The following ABCA4 variants were observed in gnomAD, a reference collection of about 807,000 sequenced individuals.
ABCA4 encodes ATP binding cassette subfamily A member 4.
In ABCA4, 196 loss-of-function variants were observed where a neutral mutation model predicts 263.7. The observed-to-expected ratio is 0.74, with a 90% confidence interval of 0.66 to 0.84. ABCA4 has a LOEUF of 0.84. ABCA4 is among the 40% of genes least tolerant of loss of function. The pLI, the probability that ABCA4 is intolerant of heterozygous loss-of-function variation, is 0.00. For synonymous variants in ABCA4, 1,133 were observed against 1,094.2 expected, an observed-to-expected ratio of 1.04 and a Z score of -0.70; for missense variants, 2,792 against 2,855.1, an observed-to-expected ratio of 0.98 and a Z score of 0.50.
intron 4 of ABCA4, among the ~76,000 whole-genome samples, chr1:94,104,173 C>A (rs1299739612): frequency 6.6e-6 from 1 of 152,216 alleles, no homozygotes; most frequent in Non-Finnish European, 1.5e-5. Context: ...CAATGCTTGG[C>A]CTCAACCCTG....
intron 40 of ABCA4, among the ~76,000 whole-genome samples, chr1:94,010,246 G>T (rs1486033246): frequency 1.3e-5 from 2 of 152,220 alleles, no homozygotes; most frequent in Non-Finnish European, 2.9e-5. Context: ...TTCAGGAAGA[G>T]CCTGCGGAAG....
At chr1:94,107,166 C>T (rs145151006) in intron 4 of ABCA4, among the ~76,000 whole-genome samples, 211 of 152,236 alleles carry the variant, frequency 1.4e-3, no homozygotes, top group African/African-American at 5.0e-3. Flanking sequence ...CCTTGGTGAC[C>T]CCTTTCTCAT....
intron 26 of ABCA4, 70 bp downstream of exon 26, chr1:94,036,670 C>T: frequency 1.3e-6 from 2 of 1,541,490 alleles, no homozygotes; most frequent in Admixed American, 1.7e-5. Flanking sequence ...TGCCCAGCCC[C>T]TTAGACTTTC....
chr1:94,042,992 C>T, intron 21 of ABCA4, 94 bp from the exon 22 acceptor site: 1 of 1,545,408 alleles, frequency 6.5e-7, no homozygotes, highest in Non-Finnish European at 8.9e-7. Context: ...GTACCTTAAC[C>T]CAGCAGTGGT....
intron 7 of ABCA4, 59 bp downstream of exon 7, chr1:94,083,293 G>A (rs1661748110): frequency 2.3e-6 from 3 of 1,319,100 alleles, no homozygotes; most frequent in African/African-American, 1.5e-5. Context: ...TTTGACATAA[G>A]TGGGGTAAAT....
intron 26 of ABCA4, among the ~76,000 whole-genome samples, chr1:94,035,186 A>C (rs1660307271): frequency 6.6e-6 from 1 of 152,258 alleles, no homozygotes; most frequent in South Asian, 2.1e-4. Flanking sequence ...TTTATCAAGA[A>C]GGAATATTCT....
intron 13 of ABCA4, among the ~76,000 whole-genome samples, chr1:94,061,715 T>C (rs1372247232): frequency 2.0e-5 from 3 of 152,258 alleles, no homozygotes; most frequent in Non-Finnish European, 4.4e-5. Context: ...ACCTGGGCTT[T>C]CGCCCCTGGC....
chr1:94,063,364 A>G (rs1661182892), intron 11 of ABCA4, 47 bp from the exon 12 acceptor site: 1 of 1,563,808 alleles, frequency 6.4e-7, no homozygotes. Context: ...GACCAACTGC[A>G]AAGACTCAAC....
intron 44 of ABCA4, among the ~76,000 whole-genome samples, chr1:94,003,665 G>T (rs181271442): frequency 6.6e-6 from 1 of 152,078 alleles, no homozygotes; most frequent in African/African-American, 2.4e-5. Flanking sequence ...ACAGAGTCTT[G>T]CTCTGTTTCC....
Position 94,030,527 on chromosome 1 carries a change from C to G in ABCA4, c.4254-1G>C, listed in dbSNP as rs886044740. 6.2e-7 allele frequency: 1 copy of G among 1,614,066 alleles called. No individual in the cohort carries two copies. The highest frequency in any genetic ancestry group is 8.5e-7 in the Non-Finnish European group (1 of 1,179,904). On this transcript the variant is annotated splice_acceptor_variant, in intron 28 of 49. Coordinates refer to ENST00000370225, the MANE Select transcript of ABCA4 (RefSeq NM_000350.3). LOFTEE classifies it high-confidence loss of function. ...CTGCTCACTGCCTGGTTCATCCATGCTAGACAGAGTGAGACATGTGACTGG... is the reference window on the plus strand; with the variant it reads ...CTGCTCACTGCCTGGTTCATCCATGGTAGACAGAGTGAGACATGTGACTGG...
At chr1:94,046,167 G>A (rs1473763922) in intron 19 of ABCA4, among the ~76,000 whole-genome samples, 1 of 151,704 alleles carries the variant, frequency 6.6e-6, no homozygotes, top group Non-Finnish European at 1.5e-5. Context: ...ACTCGGCCTG[G>A]TGCGGTCGCT....
At position 93,994,751 on chromosome 1, in the gene ABCA4, A is replaced by T. The variant is rs192052127; in HGVS notation, c.6816+1358T>A. Among the ~76,000 whole-genome samples, 10 of 152,334 alleles carry T rather than the reference A, an allele frequency of 6.6e-5. No individual in the cohort carries two copies. The East Asian group carries it at 1.9e-3, about 29-fold the overall frequency. On this transcript the variant is annotated intron_variant, in intron 49 of 49. Transcript: ENST00000370225. Reference sequence around the variant, plus strand: ...TAATCTTTGTGAACAAAAATGTAAAAAACACAATAGAAAAATGATCTCATC... The same window carrying T: ...TAATCTTTGTGAACAAAAATGTAAATAACACAATAGAAAAATGATCTCATC...
intron 44 of ABCA4, 78 bp from the exon 45 acceptor site, chr1:94,002,070 C>T (rs1253504714): frequency 1.9e-6 from 3 of 1,604,488 alleles, no homozygotes; most frequent in Non-Finnish European, 2.6e-6. Flanking sequence ...GCCTTGGGCT[C>T]CCAGATCTCA....
chr1:94,013,763 GA>G (rs1301810045), intron 38 of ABCA4, among the ~76,000 whole-genome samples: 1 of 152,200 alleles, frequency 6.6e-6, no homozygotes, highest in Non-Finnish European at 1.5e-5. Flanking sequence ...TCAGCATGGA[GA>G]ACACCCAGTC....
intron 48 of ABCA4, among the ~76,000 whole-genome samples, chr1:93,996,837 C>T (rs921788452): frequency 6.6e-6 from 1 of 152,194 alleles, no homozygotes; most frequent in Non-Finnish European, 1.5e-5. Context: ...CATGATACAA[C>T]ACGGATGAAC....
chr1:94,078,517 G>A, intron 10 of ABCA4, 73 bp downstream of exon 10: 2 of 1,163,320 alleles, frequency 1.7e-6, no homozygotes, highest in South Asian at 1.2e-5. Flanking sequence ...CCTGGGAAAA[G>A]GAAACAAGTG....
At chr1:94,013,124 A>C (rs1489903290) in intron 38 of ABCA4, among the ~76,000 whole-genome samples, 2 of 152,120 alleles carry the variant, frequency 1.3e-5, no homozygotes, top group Non-Finnish European at 2.9e-5. Context: ...CTGTCTTAAG[A>C]CTTAGTGGGC....
intron 11 of ABCA4, among the ~76,000 whole-genome samples, chr1:94,074,571 A>G (rs1391980231): frequency 1.3e-5 from 2 of 152,248 alleles, no homozygotes; most frequent in Admixed American, 6.5e-5. Context: ...TAGCGTGAAC[A>G]GGCAACCTGC....
intron 1 of ABCA4, 94 bp downstream of exon 1, chr1:94,120,886 T>TCCCCCC: frequency 6.4e-6 from 1 of 155,290 alleles, no homozygotes; most frequent in Non-Finnish European, 1.3e-5. Context: ...CCCCCCACCC[T>TCCCCCC]GCCCCACCAC....
Sources: gnomAD v4.1 joint callset for allele counts (sites outside exome capture counted in the v4.1 genomes callset) on GRCh38, gnomAD v4.1.1 for gene constraint, MANE v1.5 for transcripts, NCBI Gene and HGNC (gene_info 2026-07-23, HGNC 2026-07-21) for gene names.